UGT1A10: variants seen among roughly 807,000 people sequenced by gnomAD.
UGT1A10 encodes UDP-glucuronosyltransferase 1A10.
A neutral mutation model predicts 45.8 loss-of-function variants in UGT1A10; 49 were observed. That is an observed-to-expected ratio of 1.07 (90% CI 0.85 to 1.36). The LOEUF is 1.36. UGT1A10 is among the 40% of genes most tolerant of loss of function. The probability of loss-of-function intolerance (pLI) is 0.00; values close to 1 mark genes in which losing one functional copy is unlikely to be tolerated. For missense variants in UGT1A10, 745 were observed against 668.6 expected (o/e 1.11, Z -1.26); for synonymous variants, 284 against 249.7 (o/e 1.14, Z -1.29).
intron 1 of UGT1A10, among the ~76,000 whole-genome samples, chr2:233,646,082 T>C (rs2073594236): frequency 6.6e-6 from 1 of 152,234 alleles, no homozygotes; most frequent in South Asian, 2.1e-4. Flanking sequence ...ACCCACAGTC[T>C]CAACCCCACA....
At chr2:233,637,434 G>A (rs2073327386) in intron 1 of UGT1A10, 57 bp downstream of exon 1, 9 of 1,540,464 alleles carry the variant, frequency 5.8e-6, no homozygotes, top group African/African-American at 1.4e-5. Flanking sequence ...AATTAAAAAA[G>A]GATTCCTTAC....
intron 1 of UGT1A10, among the ~76,000 whole-genome samples, chr2:233,714,326 A>T (rs1163768805): frequency 6.6e-6 from 1 of 152,128 alleles, no homozygotes. Context: ...ACCACAGGAG[A>T]CCTAAGCACT....
At chr2:233,724,307 C>CCCGGACGGGGCGGCTGG (rs2077215431) in intron 1 of UGT1A10, among the ~76,000 whole-genome samples, 2 of 146,974 alleles carry the variant, frequency 1.4e-5, no homozygotes, top group African/African-American at 5.0e-5. Context: ...CCACCTCCCT[C>CCCGGACGGGGCGGCTGG]CCGGACGGGG....
At chr2:233,753,977 T>C (rs138478111) in intron 1 of UGT1A10, among the ~76,000 whole-genome samples, 15 of 152,322 alleles carry the variant, frequency 9.8e-5, no homozygotes, top group African/African-American at 3.4e-4. Context: ...ACGTGTGTTG[T>C]TTTAAGCCAC....
At chr2:233,751,245 G>A (rs961434580) in intron 1 of UGT1A10, among the ~76,000 whole-genome samples, 1 of 151,950 alleles carries the variant, frequency 6.6e-6, no homozygotes, top group Admixed American at 6.5e-5. Context: ...TTTTGGACTT[G>A]CATGGGGCCT....
At chr2:233,755,966 T>C (rs1157014475) in intron 1 of UGT1A10, 5 of 152,190 alleles carry the variant, frequency 3.3e-5, no homozygotes, top group African/African-American at 7.2e-5. Context: ...CTTGGCTCTA[T>C]AGAGAGGTGG....
At chr2:233,678,668 T>C (rs143188030) in intron 1 of UGT1A10, among the ~76,000 whole-genome samples, 4 of 152,336 alleles carry the variant, frequency 2.6e-5, no homozygotes, top group African/African-American at 4.8e-5. Flanking sequence ...CTATGAGGCT[T>C]GTATTGTGTA....
chr2:233,712,144 G>T (rs2076216635), intron 1 of UGT1A10, among the ~76,000 whole-genome samples: 1 of 152,218 alleles, frequency 6.6e-6, no homozygotes, highest in African/African-American at 2.4e-5. Flanking sequence ...TCAGCATTCA[G>T]AAGAGGAATT....
intron 1 of UGT1A10, chr2:233,729,369 C>T (rs552638090): frequency 1.4e-5 from 23 of 1,613,926 alleles, no homozygotes; most frequent in Non-Finnish European, 1.8e-5. Flanking sequence ...CAACCTATGC[C>T]ATTTCGTGGA....
chr2:233,694,688 C>T (rs1334896868), intron 1 of UGT1A10, among the ~76,000 whole-genome samples: 1 of 152,190 alleles, frequency 6.6e-6, no homozygotes, highest in East Asian at 1.9e-4. Flanking sequence ...GTCCCAAAGA[C>T]CCTTACCTCT....
At chr2:233,747,480 G>T in intron 1 of UGT1A10, 2 of 1,608,986 alleles carry the variant, frequency 1.2e-6, no homozygotes, top group Non-Finnish European at 1.7e-6. Context: ...GGATGAATTT[G>T]ATCGCCTTGT....
chr2:233,658,340 G>A (rs1315561003), intron 1 of UGT1A10, among the ~76,000 whole-genome samples: 2 of 152,032 alleles, frequency 1.3e-5, no homozygotes, highest in African/African-American at 2.4e-5. Context: ...TAAATGTTAC[G>A]TTACTATAGC....
chr2:233,686,615 C>T (rs1343567739), intron 1 of UGT1A10, among the ~76,000 whole-genome samples: 2 of 152,046 alleles, frequency 1.3e-5, no homozygotes, highest in Non-Finnish European at 2.9e-5. Context: ...TCTCTCTCTC[C>T]TTCAATCTAT....
intron 1 of UGT1A10, among the ~76,000 whole-genome samples, chr2:233,726,737 G>T (rs1199458141): frequency 6.6e-6 from 1 of 152,134 alleles, no homozygotes; most frequent in Non-Finnish European, 1.5e-5. Flanking sequence ...TACTTTTGTG[G>T]GGCTGTGATT....
rs565737138 is a variant in UGT1A10 at position 233,740,144 on chromosome 2, C to T, written c.856-26890C>T. 2.0e-5 allele frequency among the ~76,000 whole-genome samples: 3 copies of T among 151,952 alleles called. No individual in the cohort carries two copies. The South Asian group carries it at 6.2e-4, about 31-fold the overall frequency. On this transcript the variant is annotated intron_variant, in intron 1 of 4. Coordinates refer to ENST00000344644, the MANE Select transcript of UGT1A10 (RefSeq NM_019075.4). Reference sequence around the variant, plus strand: ...ACCTTCTGTCATGATTGTAAGTTTCCTGAGGCCTCCCCAGTCATGTGGAAC... The same window carrying T: ...ACCTTCTGTCATGATTGTAAGTTTCTTGAGGCCTCCCCAGTCATGTGGAAC...
At chr2:233,669,666 A>G (rs1326318640) in intron 1 of UGT1A10, among the ~76,000 whole-genome samples, 11 of 152,068 alleles carry the variant, frequency 7.2e-5, no homozygotes, top group African/African-American at 2.7e-4. Context: ...ATTAGCATAG[A>G]AAGGTTTTGT....
chr2:233,654,845 A>C (rs1195394598), intron 1 of UGT1A10, among the ~76,000 whole-genome samples: 1 of 152,224 alleles, frequency 6.6e-6, no homozygotes, highest in Non-Finnish European at 1.5e-5. Flanking sequence ...TAATCCCTGC[A>C]CTTAGGGAAA....
chr2:233,690,784 C>T (rs902652405), intron 1 of UGT1A10: 19 of 1,087,518 alleles, frequency 1.7e-5, no homozygotes, highest in Non-Finnish European at 2.1e-5. Flanking sequence ...CATACACACA[C>T]ACACACACAC....
intron 1 of UGT1A10, among the ~76,000 whole-genome samples, chr2:233,704,865 G>A (rs1559353714): frequency 1.3e-5 from 2 of 152,168 alleles, no homozygotes; most frequent in South Asian, 4.1e-4. Flanking sequence ...CGGGCACGGT[G>A]GCTCACTCCT....
Sources: allele counts gnomAD v4.1 joint callset (sites outside exome capture counted in the v4.1 genomes callset), GRCh38; gene constraint gnomAD v4.1.1; transcripts MANE v1.5; gene names NCBI Gene and HGNC (gene_info 2026-07-23, HGNC 2026-07-21).